The following PDE2A variants were observed in gnomAD, a reference collection of about 807,000 sequenced individuals.
The protein encoded by PDE2A is phosphodiesterase 2A.
A neutral mutation model predicts 133.6 loss-of-function variants in PDE2A; 53 were observed. The observed-to-expected ratio is 0.40, with a 90% CI of 0.32 to 0.50. The LOEUF (loss-of-function observed/expected upper bound fraction) is 0.50, where lower values mean the gene tolerates loss of function less well. PDE2A is among the 20% of genes least tolerant of loss of function. The pLI is 0.73. For synonymous variants in PDE2A, 491 were observed against 490.2 expected (o/e 1.00, Z -0.02); for missense variants, 796 against 1,232.4 (o/e 0.65, Z 5.30).
intron 2 of PDE2A, among the ~76,000 whole-genome samples, chr11:72,624,714 A>T (rs1419184942): frequency 6.6e-6 from 1 of 152,222 alleles, no homozygotes; most frequent in East Asian, 1.9e-4. Flanking sequence ...GCAATGTCAC[A>T]CACTCGGTGT....
In PDE2A at chr11:72,590,546, T is replaced by C; in HGVS notation, c.584A>G (p.Gln195Arg). ...GGGAGCCTCCCTGGGCCCGCGCTGCTGCAGGACCTGCACCCTCCGCAGGGC... is the reference window on the plus strand; with the variant it reads ...GGGAGCCTCCCTGGGCCCGCGCTGCCGCAGGACCTGCACCCTCCGCAGGGC... ...LVALRRVQVLQQRGPREAPRA... is the reference protein window; with the variant it reads ...LVALRRVQVLRQRGPREAPRA... Residue 195 changes from glutamine to arginine, a missense_variant, in exon 8 of 31, where the codon CAG becomes CGG. Physicochemically the swap from Gln to Arg is conservative, Grantham distance 43. Coordinates refer to ENST00000334456, the MANE Select transcript of PDE2A (RefSeq NM_002599.5). This position sits in a 1 kb window ranked among gnomAD's most constrained non-coding sequence, Gnocchi z 4.8. 7.0e-7 allele frequency: 1 copy of C among 1,431,364 alleles called. No individual in the cohort carries two copies. Among genetic ancestry groups the C allele is most frequent in the Admixed American group, 2.9e-5 (1 of 34,414 alleles). The allele number at this position is 1,431,364 out of a possible 1,614,324, so 88.7% of individuals were successfully genotyped here. A position where few individuals can be genotyped will look rare whatever the true frequency, so the allele number is the denominator to read the frequency against.
rs1172517185 is a variant in PDE2A at position 72,590,203 on chromosome 11, C to T, written c.745G>A (p.Val249Met). 11 of 1,551,418 alleles carry T rather than the reference C, an allele frequency of 7.1e-6. No homozygotes were observed. Among genetic ancestry groups the T allele is most frequent in the Non-Finnish European group, 8.7e-6 (10 of 1,146,824 alleles). ...DLDASSLQLK[V>M]LQYLQQETRA... is the part of the protein sequence containing the mutation. ...GCGCAGGGACTCACGTATTGGAGCACTTTGAGCTGCAGGGAAGAGGCATCC... is the reference window on the plus strand; with the variant it reads ...GCGCAGGGACTCACGTATTGGAGCATTTTGAGCTGCAGGGAAGAGGCATCC... Residue 249 changes from valine (V) to methionine (M), a missense_variant, in exon 9 of 31, where the codon GTG (valine) becomes ATG (methionine). Val to Met is a conservative substitution (Grantham distance 21, BLOSUM62 1). Coordinates refer to ENST00000334456, the MANE Select transcript of PDE2A (RefSeq NM_002599.5). The surrounding 1 kb of genome is among the most constrained non-coding windows in gnomAD (Gnocchi z 4.8).
At chr11:72,591,566 C>T (rs188037815) in intron 6 of PDE2A, among the ~76,000 whole-genome samples, 12 of 152,344 alleles carry the variant, frequency 7.9e-5, no homozygotes, top group South Asian at 6.2e-4. Flanking sequence ...AACCTAAGGA[C>T]GTGAAACTTT....
rs565345717 is a variant in PDE2A, at chr11:72,598,513, G to A, written c.324-894C>T. On this transcript the variant is annotated intron_variant, in intron 4 of 30. Transcript: ENST00000334456. ...TCATCCCGCTTAATTAAGCACCTGA[G>A]TTTGCACCAAATGTCACTCCTTGAT... 81 of 1,289,086 alleles carry A rather than the reference G, an allele frequency of 6.3e-5. No homozygotes were observed. In the East Asian group the frequency reaches 3.3e-3, roughly 53 times the overall value. 79.9% of individuals were successfully genotyped at this position (1,289,086 alleles called of 1,614,324 possible).
intron 1 of PDE2A, among the ~76,000 whole-genome samples, chr11:72,651,105 A>G (rs995248014): frequency 2.0e-5 from 3 of 152,178 alleles, no homozygotes; most frequent in African/African-American, 7.2e-5. Flanking sequence ...ATGTTCTTAG[A>G]AAATCAAAGC....
intron 19 of PDE2A, 77 bp from the exon 20 acceptor site, chr11:72,583,592 G>A (rs1490266573): frequency 2.1e-6 from 2 of 949,096 alleles, no homozygotes; most frequent in Admixed American, 1.7e-5. Context: ...TGGGATGAAG[G>A]GGTCAAAAAG....
At chr11:72,628,974 G>C (rs531484250) in intron 2 of PDE2A, among the ~76,000 whole-genome samples, 9 of 152,342 alleles carry the variant, frequency 5.9e-5, no homozygotes, top group African/African-American at 1.9e-4. Flanking sequence ...CTGGGCACTC[G>C]GGTGGGGTGC....
At chr11:72,648,512 G>A (rs557665821) in intron 1 of PDE2A, among the ~76,000 whole-genome samples, 1 of 152,264 alleles carries the variant, frequency 6.6e-6, no homozygotes, top group Non-Finnish European at 1.5e-5. Flanking sequence ...AGGCCCAGGG[G>A]ATGGGGGCTG....
intron 1 of PDE2A, among the ~76,000 whole-genome samples, chr11:72,665,086 G>A (rs905729756): frequency 6.6e-6 from 1 of 152,098 alleles, no homozygotes; most frequent in Non-Finnish European, 1.5e-5. Context: ...GGTTACAGGC[G>A]CGAGCCACTA....
intron 1 of PDE2A, among the ~76,000 whole-genome samples, chr11:72,650,091 G>A (rs188268143): frequency 8.0e-5 from 12 of 149,320 alleles, no homozygotes; most frequent in African/African-American, 3.0e-4. Context: ...GTACAATCTC[G>A]ACTCACTGCA....
Sources: gnomAD v4.1 joint callset for allele counts (sites outside exome capture counted in the v4.1 genomes callset) on GRCh38, gnomAD v4.1.1 for gene constraint, Gnocchi (gnomAD v3.1) non-coding constraint, MANE v1.5 for transcripts, NCBI Gene and HGNC (gene_info 2026-07-23, HGNC 2026-07-21) for gene names.